Variants in CAPN15 observed in about 807,000 individuals in gnomAD.
CAPN15 encodes the protein calpain-15.
Under a neutral mutation model 97.9 loss-of-function variants are expected in CAPN15, and 53 were observed. The ratio of observed to expected loss-of-function variants is 0.54; its 90% CI spans 0.43 to 0.68. The LOEUF is 0.68. CAPN15 is among the 30% of genes least tolerant of loss of function. The pLI is 0.00. For missense variants in CAPN15, 1,592 were observed against 1,589.8 expected, an observed-to-expected ratio of 1.00 and a Z score of -0.02; for synonymous variants, 922 against 722.5, an observed-to-expected ratio of 1.28 and a Z score of -4.43.
intron 1 of CAPN15, among the ~76,000 whole-genome samples, chr16:529,931 G>C (rs968501904): frequency 6.6e-6 from 1 of 152,112 alleles, no homozygotes; most frequent in African/African-American, 2.4e-5. Context: ...GGGCTGCCTC[G>C]TGCGCTTTGC....
At position 547,742 on chromosome 16, in the gene CAPN15, G is replaced by A. The variant is rs200671046; in HGVS notation, c.904G>A (p.Ala302Thr). ...GCGGCTGAGTGTGCTGGAGGAAGAG[G>A]CCACGGAGGGTGGCACCAGCCGCGT... The part of the protein sequence containing the change: ...GKRLSVLEEE[A>T]TEGGTSRVEA... The change falls in exon 4 of 14, where the codon GCC (alanine) becomes ACC (threonine). Residue 302 changes from alanine to threonine, a missense_variant. Physicochemically the swap from Ala to Thr is moderately conservative, Grantham distance 58. Around this residue, in one of 3 missense-constraint regions of CAPN15, gnomAD observed 883 missense variants for 776.6 expected, o/e 1.14. Transcript: ENST00000219611. 1 of 1,606,458 alleles carries A rather than the reference G, an allele frequency of 6.2e-7. No individual in the cohort carries two copies.
chr16:540,986 C>T (rs2034071698), intron 3 of CAPN15, among the ~76,000 whole-genome samples: 2 of 152,218 alleles, frequency 1.3e-5, no homozygotes, highest in African/African-American at 4.8e-5. Flanking sequence ...ACTCAGGGGC[C>T]CGGGGCCTCG....
At chr16:541,658 A>C (rs1459325689) in intron 3 of CAPN15, among the ~76,000 whole-genome samples, 1 of 152,234 alleles carries the variant, frequency 6.6e-6, no homozygotes, top group Non-Finnish European at 1.5e-5. Flanking sequence ...GGTCACTCTT[A>C]GTGGTTTGTA....
In CAPN15 at chr16:553,335, C is replaced by T; in HGVS notation, c.3084-4C>T. ...CACAGGTCCTCACCGGTCCCCTCCCCCAGGCAGGTCCTGGTGATCTTGTCC... is the reference window on the plus strand; with the variant it reads ...CACAGGTCCTCACCGGTCCCCTCCCTCAGGCAGGTCCTGGTGATCTTGTCC... On this transcript the variant is annotated splice_region_variant and splice_polypyrimidine_tract_variant and intron_variant, in intron 13 of 13. Transcript: ENST00000219611. The T allele has an allele frequency of 1.9e-6, 3 of 1,599,856 alleles. No individual in the cohort carries two copies. Among genetic ancestry groups the T allele is most frequent in the Non-Finnish European group, 1.7e-6 (2 of 1,172,028 alleles).
chr16:553,345 C>G lies in CAPN15; in HGVS notation c.3090C>G (p.Val1030=). 1 of 1,597,714 alleles carries G rather than the reference C, an allele frequency of 6.3e-7. No homozygotes were observed. Among genetic ancestry groups the G allele is most frequent in the Non-Finnish European group, 8.5e-7 (1 of 1,172,404 alleles). The change falls in exon 14 of 14, where the codon GTC becomes GTG. Residue 1030 remains valine, a synonymous_variant. Coordinates refer to ENST00000219611, the MANE Select transcript of CAPN15 (RefSeq NM_005632.3). ...CACCGGTCCCCTCCCCCAGGCAGGT[C>G]CTGGTGATCTTGTCCCAGCTAGAGG... ...QDSVPPLHRQ[V]LVILSQLEGN...
In CAPN15 at chr16:554,425, C is replaced by T. The variant is rs1056406421; in HGVS notation, c.*909C>T. 2.3e-5 allele frequency: 10 copies of T among 441,430 alleles called. No individual in the cohort carries two copies. Among genetic ancestry groups the T allele is most frequent in the Admixed American group, 4.8e-5 (2 of 41,666 alleles). 27.3% of individuals were successfully genotyped at this position (441,430 alleles called of 1,614,324 possible). ...CCCCTCCTACCCCGGCAGGGGCTTC[C>T]GGGGCCTTTTCACCTGGAGAAACAT... On this transcript the variant is annotated 3_prime_UTR_variant, in exon 14 of 14. Coordinates refer to ENST00000219611, the MANE Select transcript of CAPN15 (RefSeq NM_005632.3).
intron 13 of CAPN15, 49 bp downstream of exon 13, chr16:553,090 C>T (rs1484999903): frequency 8.9e-7 from 1 of 1,125,640 alleles, no homozygotes; most frequent in African/African-American, 1.7e-5. Context: ...GCCCCCTCCC[C>T]TACCCCGCTG....
At chr16:542,173 T>G (rs2034164372) in intron 3 of CAPN15, among the ~76,000 whole-genome samples, 1 of 152,270 alleles carries the variant, frequency 6.6e-6, no homozygotes, top group Non-Finnish European at 1.5e-5. Flanking sequence ...CTTTGCGGGA[T>G]GAACCGCATT....
chr16:541,341 T>C (rs1322713428), intron 3 of CAPN15, among the ~76,000 whole-genome samples: 2 of 149,864 alleles, frequency 1.3e-5, no homozygotes, highest in Non-Finnish European at 3.0e-5. Flanking sequence ...GTTACCCCGA[T>C]GAACAGGGAG....
chr16:544,638 G>A (rs1396101849), intron 3 of CAPN15, among the ~76,000 whole-genome samples: 1 of 151,740 alleles, frequency 6.6e-6, no homozygotes, highest in Non-Finnish European at 1.5e-5. Flanking sequence ...TTTCTGTACA[G>A]TTGCCTCGAT....
rs1209730582 is a variant in CAPN15, at chr16:551,154, CG to C, written c.2067-147del. ...TGGTGAGGGCCCCGGTCGGTGAGGG[CG>C]CCCCGTCGGTGAGGGTCCCGGTCGG... On this transcript the variant is annotated intron_variant, in intron 7 of 13. Coordinates refer to ENST00000219611, the MANE Select transcript of CAPN15 (RefSeq NM_005632.3). The C allele has an allele frequency of 1.4e-3, 1,369 of 976,356 alleles. 57 individuals are homozygous for C. The East Asian group carries it at 0.028, about 20-fold the overall frequency. 60.5% of individuals were successfully genotyped at this position (976,356 alleles called of 1,614,324 possible). A position where few individuals can be genotyped will look rare whatever the true frequency, so the allele number is the denominator to read the frequency against.
rs1367906332 is a variant in CAPN15 at position 549,103 on chromosome 16, G to C, written c.1560G>C (p.Glu520Asp). 6.2e-7 allele frequency: 1 copy of C among 1,612,552 alleles called. No homozygotes were observed. The highest frequency in any genetic ancestry group is 8.5e-7 in the Non-Finnish European group (1 of 1,179,958). Reference sequence around the variant, plus strand: ...TGAGGCAGTGGCTGCGACCCCAGGAGATCAACTGCTCCGTCTTCAGGGACC... The same window carrying C: ...TGAGGCAGTGGCTGCGACCCCAGGACATCAACTGCTCCGTCTTCAGGGACC... Reference protein sequence around the residue: ...QRVRQWLRPQEINCSVFRDHR... With the variant: ...QRVRQWLRPQDINCSVFRDHR... The change falls in exon 5 of 14, where the codon GAG (glutamate) becomes GAC (aspartate). Residue 520 changes from glutamate (E) to aspartate (D), a missense_variant. Coordinates refer to ENST00000219611, the MANE Select transcript of CAPN15 (RefSeq NM_005632.3).
At position 552,259 on chromosome 16, in the gene CAPN15, G is replaced by T. The variant is rs1181264943; in HGVS notation, c.2508-42G>T. ...CGGGCTGGGCTGGGCTAGGCTGGCGGCCGTGACCACGCGTGACCCTGGCCC... is the reference window on the plus strand; with the variant it reads ...CGGGCTGGGCTGGGCTAGGCTGGCGTCCGTGACCACGCGTGACCCTGGCCC... On this transcript the variant is annotated intron_variant, in intron 10 of 13. Coordinates refer to ENST00000219611, the MANE Select transcript of CAPN15 (RefSeq NM_005632.3). This position sits in a 1 kb window ranked among gnomAD's most constrained non-coding sequence, Gnocchi z 6.4. 4.6e-6 allele frequency: 7 copies of T among 1,535,286 alleles called. No homozygotes were observed. Among genetic ancestry groups the T allele is most frequent in the Non-Finnish European group, 5.3e-6 (6 of 1,140,458 alleles).
rs756523736 is a variant in CAPN15 at position 547,336 on chromosome 16, C to T, written c.498C>T (p.Cys166=). The T allele has an allele frequency of 9.1e-6, 14 of 1,538,896 alleles. No individual in the cohort carries two copies. Among genetic ancestry groups the T allele is most frequent in the East Asian group, 7.3e-5 (3 of 41,272 alleles). Residue 166 remains cysteine, a synonymous_variant, in exon 4 of 14, where the codon TGC becomes TGT. Coordinates refer to ENST00000219611, the MANE Select transcript of CAPN15 (RefSeq NM_005632.3). ...NTPVASSCSV[C]GGPRRLSLPR... is the part of the protein sequence containing the mutation. ...CCGTGGCCAGCTCCTGCTCCGTCTG[C>T]GGGGGCCCACGCAGGCTCTCGCTGC...
In CAPN15 at chr16:535,261, C is replaced by G. The variant is rs2033623714; in HGVS notation, c.-136-768C>G. 6.5e-6 allele frequency: 1 copy of G among 154,342 alleles called. No homozygotes were observed. Among genetic ancestry groups the G allele is most frequent in the Middle Eastern group, 5.2e-4 (1 of 1,920 alleles). 9.6% of individuals were successfully genotyped at this position (154,342 alleles called of 1,614,324 possible). A position where few individuals can be genotyped will look rare whatever the true frequency, so the allele number is the denominator to read the frequency against. On this transcript the variant is annotated intron_variant, in intron 2 of 13. Transcript: ENST00000219611. This position sits in a 1 kb window ranked among gnomAD's most constrained non-coding sequence, Gnocchi z 6.2. ...TCCTGCCACGGGTGGGCTGTCAAGG[C>G]CAGCACCAGAGACCCCCAGCAGACC...
chr16:528,984 T>C (rs955301148), intron 1 of CAPN15, among the ~76,000 whole-genome samples: 1 of 152,130 alleles, frequency 6.6e-6, no homozygotes, highest in Non-Finnish European at 1.5e-5. Flanking sequence ...TCCCTTCCGG[T>C]TCTGAGTGAC....
intron 1 of CAPN15, among the ~76,000 whole-genome samples, chr16:529,533 G>C (rs554774645): frequency 1.3e-5 from 2 of 152,206 alleles, no homozygotes; most frequent in African/African-American, 4.8e-5. Context: ...CAGTTCACAC[G>C]AGGCAATTGG....
intron 4 of CAPN15, among the ~76,000 whole-genome samples, 160 bp from the exon 5 acceptor site, chr16:548,833 C>T (rs745448545): frequency 1.2e-4 from 18 of 152,262 alleles, no homozygotes; most frequent in South Asian, 2.1e-4. Context: ...AGGGCTTCCT[C>T]GACACAGGGC....
chr16:551,700 C>T lies in CAPN15; in HGVS notation c.2345+36C>T, dbSNP rs200419577. On this transcript the variant is annotated intron_variant, in intron 9 of 13. Coordinates refer to ENST00000219611, the MANE Select transcript of CAPN15 (RefSeq NM_005632.3). ...CGTGGGGCGGTGTGCACGCCGCCCC[C>T]GCCCTCCTAGGGCCGAGTCCTTCTC... 2,945 of 1,578,732 alleles carry T rather than the reference C, an allele frequency of 1.9e-3. 3 individuals carry two copies. The highest frequency in any genetic ancestry group is 2.3e-3 in the Non-Finnish European group (2,635 of 1,164,500).
Sources: gnomAD v4.1 joint callset for allele counts (sites outside exome capture counted in the v4.1 genomes callset) on GRCh38, gnomAD v4.1.1 for gene constraint, gnomAD v4.1.1 regional missense constraint, Gnocchi (gnomAD v3.1) non-coding constraint, MANE v1.5 for transcripts, NCBI Gene and HGNC (gene_info 2026-07-23, HGNC 2026-07-21) for gene names.